LLGL2: variants seen among roughly 807,000 people sequenced by gnomAD.
LLGL2 encodes LLGL2, scribble cell polarity complex component.
A neutral mutation model predicts 123.2 loss-of-function variants in LLGL2; 81 were observed. The observed-to-expected ratio is 0.66, with a 90% CI of 0.55 to 0.79. LLGL2 has a LOEUF of 0.79. Among genes scored for constraint, LLGL2 ranks in the 30% least tolerant of loss-of-function variants. The probability of loss-of-function intolerance (pLI) is 0.00; values close to 1 mark genes in which losing one functional copy is unlikely to be tolerated. For missense variants in LLGL2, 1,273 were observed against 1,414.6 expected (o/e 0.90, Z 1.61); for synonymous variants, 577 against 594.1 (o/e 0.97, Z 0.42).
intron 6 of LLGL2, among the ~76,000 whole-genome samples, chr17:75,560,042 G>A (rs1273665780): frequency 1.3e-5 from 2 of 152,194 alleles, no homozygotes; most frequent in Non-Finnish European, 2.9e-5. Context: ...TGGTTCCAAG[G>A]GGCAGGAGGA....
At chr17:75,532,609 C>G (rs1304999774) in intron 1 of LLGL2, 1 of 151,910 alleles carries the variant, frequency 6.6e-6, no homozygotes, top group Admixed American at 6.6e-5. Flanking sequence ...TTTTTAGTAG[C>G]GGGGGGGTTT....
At position 75,568,972 on chromosome 17, in the gene LLGL2, C is replaced by T; in HGVS notation, c.1323-6C>T. ...CTCACGCCTGGCAGGTGGGTTCTGC[C>T]CACAGGCACGAGGACGGCACGGTGC... On this transcript the variant is annotated splice_polypyrimidine_tract_variant and splice_region_variant and intron_variant, in intron 12 of 25. Coordinates refer to ENST00000392550, the MANE Select transcript of LLGL2 (RefSeq NM_001031803.2). 6.2e-7 allele frequency: 1 copy of T among 1,609,648 alleles called. No homozygotes were observed.
At chr17:75,571,851 G>A (rs777388568) in intron 18 of LLGL2, 47 bp from the exon 19 acceptor site, 2 of 1,605,602 alleles carry the variant, frequency 1.2e-6, no homozygotes, top group Non-Finnish European at 1.7e-6. Flanking sequence ...AGTGGCTCCA[G>A]CCCTGCCACC....
chr17:75,569,801 CAAAA>C (rs567857752), intron 14 of LLGL2, among the ~76,000 whole-genome samples, 158 bp from the exon 15 acceptor site: 18 of 130,616 alleles, frequency 1.4e-4, no homozygotes, highest in African/African-American at 1.8e-4. Flanking sequence ...AGACTTGTCT[CAAAA>C]AAAAAAAAAA....
intron 6 of LLGL2, among the ~76,000 whole-genome samples, chr17:75,561,021 G>A (rs1014429740): frequency 1.3e-5 from 2 of 151,506 alleles, no homozygotes; most frequent in East Asian, 1.9e-4. Context: ...TAGTAGAGAC[G>A]GGGTTTCACC....
chr17:75,563,956 G>A (rs569776597), intron 9 of LLGL2, 150 bp downstream of exon 9: 1 of 783,650 alleles, frequency 1.3e-6, no homozygotes, highest in Non-Finnish European at 2.1e-6. Flanking sequence ...AGACAGGGTA[G>A]ACGCTATTCA....
intron 2 of LLGL2, among the ~76,000 whole-genome samples, chr17:75,548,074 T>G (rs1205977966): frequency 1.3e-5 from 2 of 152,200 alleles, no homozygotes; most frequent in Non-Finnish European, 2.9e-5. Context: ...GAATGCTCAC[T>G]GGAGCGTTTC....
Position 75,556,005 on chromosome 17 carries a change from G to C in LLGL2, c.76-41G>C, listed in dbSNP as rs764883995. 3 of 1,516,754 alleles carry C rather than the reference G, an allele frequency of 2.0e-6. No individual in the cohort carries two copies. The African/African-American group carries it at 4.1e-5, about 21-fold the overall frequency. The allele number at this position is 1,516,754 out of a possible 1,614,324, so 94.0% of individuals were successfully genotyped here. A position where few individuals can be genotyped will look rare whatever the true frequency, so the allele number is the denominator to read the frequency against. ...TGCAGCAGCCATGGTGGCGCGAAGG[G>C]GACAGGTCTGCAGGCCCACCCCACG... is the stretch of plus-strand genomic sequence containing the variant. On this transcript the variant is annotated intron_variant, in intron 2 of 25. Coordinates refer to ENST00000392550, the MANE Select transcript of LLGL2 (RefSeq NM_001031803.2).
Position 75,563,480 on chromosome 17 carries a change from C to T in LLGL2, c.826+17C>T. ...TGCCTTACGGTCAGTGTTTCACCCG[C>T]CGGGCAGGGCCCACCCCCAGTGCCT... On this transcript the variant is annotated intron_variant, in intron 8 of 25. Transcript: ENST00000392550. The T allele has an allele frequency of 6.2e-7, 1 of 1,610,878 alleles. No individual in the cohort carries two copies. The highest frequency in any genetic ancestry group is 8.5e-7 in the Non-Finnish European group (1 of 1,179,312).
Position 75,571,887 on chromosome 17 carries a change from C to T in LLGL2, c.2294-11C>T, listed in dbSNP as rs763077725. On this transcript the variant is annotated splice_polypyrimidine_tract_variant and intron_variant, in intron 18 of 25. Coordinates refer to ENST00000392550, the MANE Select transcript of LLGL2 (RefSeq NM_001031803.2). ...CCCTCACCAGCCCCAACACCCACCT[C>T]CTCCCCCTAGCCAAGGAGATCCAGC... The T allele has an allele frequency of 6.2e-7, 1 of 1,611,334 alleles. No homozygotes were observed. Among genetic ancestry groups the T allele is most frequent in the Non-Finnish European group, 8.5e-7 (1 of 1,179,878 alleles).
rs1299630963 is a variant in LLGL2, at chr17:75,558,423, T to G, written c.256-89T>G. The G allele has an allele frequency of 1.6e-6, 2 of 1,267,786 alleles. No individual in the cohort carries two copies. The highest frequency in any genetic ancestry group is 2.2e-5 in the Admixed American group (1 of 45,554). 78.5% of individuals were successfully genotyped at this position (1,267,786 alleles called of 1,614,324 possible). On this transcript the variant is annotated intron_variant, in intron 4 of 25. Coordinates refer to ENST00000392550, the MANE Select transcript of LLGL2 (RefSeq NM_001031803.2). This position sits in a 1 kb window ranked among gnomAD's most constrained non-coding sequence, Gnocchi z 4.0. ...CCACCCTGGGAGTGGCCAGGGGGTC[T>G]TTTAAACAACTGGGGCTGCGTGGCC...
intron 21 of LLGL2, 148 bp downstream of exon 21, chr17:75,573,779 G>A (rs963797864): frequency 1.7e-6 from 2 of 1,208,726 alleles, no homozygotes; most frequent in Non-Finnish European, 2.3e-6. Context: ...TTGCCTCTTT[G>A]CGTGCCCCTT....
At chr17:75,532,985 C>T (rs1318516607) in intron 1 of LLGL2, among the ~76,000 whole-genome samples, 1 of 151,892 alleles carries the variant, frequency 6.6e-6, no homozygotes, top group Non-Finnish European at 1.5e-5. Context: ...CTTAACTGTT[C>T]GTTCATTCAT....
rs1325007490 is a variant in LLGL2, at chr17:75,558,544, C to G, written c.288C>G (p.Ser96Arg). The change falls in exon 5 of 26, where the codon AGC (serine) becomes AGG (arginine). Residue 96 changes from serine (S) to arginine (R), a missense_variant. Transcript: ENST00000392550. The surrounding 1 kb of genome is among the most constrained non-coding windows in gnomAD (Gnocchi z 4.0). Reference sequence around the variant, plus strand: ...TGGTCACCCTGCTGGATGACAACAGCCTGCACCTTTGGAGCCTGAAGGTCA... The same window carrying G: ...TGGTCACCCTGCTGGATGACAACAGGCTGCACCTTTGGAGCCTGAAGGTCA... ...CQLVTLLDDNSLHLWSLKVKG... is the reference protein window; with the variant it reads ...CQLVTLLDDNRLHLWSLKVKG... 6.2e-7 allele frequency: 1 copy of G among 1,609,466 alleles called. No homozygotes were observed. The highest frequency in any genetic ancestry group is 1.1e-5 in the South Asian group (1 of 89,994).
intron 1 of LLGL2, among the ~76,000 whole-genome samples, chr17:75,530,224 T>G (rs146674354): frequency 1.3e-5 from 2 of 152,296 alleles, no homozygotes; most frequent in Non-Finnish European, 2.9e-5. Context: ...AGTCTCTGGC[T>G]GGGCATTTTG....
chr17:75,560,797 T>C (rs1450679010), intron 6 of LLGL2, among the ~76,000 whole-genome samples: 3 of 113,204 alleles, frequency 2.7e-5, no homozygotes, highest in African/African-American at 1.1e-4. Flanking sequence ...AGTTTGTTTA[T>C]TTATTAAAAA....
chr17:75,549,112 C>T lies in LLGL2; in HGVS notation c.75+5611C>T, dbSNP rs1405019753. On this transcript the variant is annotated intron_variant, in intron 2 of 25. Transcript: ENST00000392550. This position sits in a 1 kb window ranked among gnomAD's most constrained non-coding sequence, Gnocchi z 4.0. ...TGTGGCCTTAGAGTGGTGGCTTCAC[C>T]TCCCTTCACACCTCAGTTACTTCAC... 6.6e-6 allele frequency among the ~76,000 whole-genome samples: 1 copy of T among 152,096 alleles called. No homozygotes were observed. The highest frequency in any genetic ancestry group is 1.9e-4 in the East Asian group (1 of 5,190).
rs751995804 is a variant in LLGL2 at position 75,573,520 on chromosome 17, C to T, written c.2765C>T (p.Ser922Phe). 8 of 1,612,684 alleles carry T rather than the reference C, an allele frequency of 5.0e-6. 1 individual carries two copies. In the African/African-American group the frequency reaches 5.3e-5, roughly 11 times the overall value. ...TCACCCTCGGAGTTTGAGCGCTTCTCTCTCTCCACCAAGTGGCTGGTGGAG... is the reference window on the plus strand; with the variant it reads ...TCACCCTCGGAGTTTGAGCGCTTCTTTCTCTCCACCAAGTGGCTGGTGGAG... ...LISPSEFERFSLSTKWLVEPR... is the reference protein window; with the variant it reads ...LISPSEFERFFLSTKWLVEPR... The change falls in exon 21 of 26, where the codon TCT (serine) becomes TTT (phenylalanine). Residue 922 changes from serine to phenylalanine, a missense_variant. By Grantham distance (155) the Ser-to-Phe change is radical (BLOSUM62 -2). Coordinates refer to ENST00000392550, the MANE Select transcript of LLGL2 (RefSeq NM_001031803.2).
At position 75,559,433 on chromosome 17, in the gene LLGL2, G is replaced by A. The variant is rs752329596; in HGVS notation, c.530+23G>A. 4.4e-6 allele frequency: 7 copies of A among 1,579,924 alleles called. No individual in the cohort carries two copies. The highest frequency in any genetic ancestry group is 5.2e-6 in the Non-Finnish European group (6 of 1,163,684). ...GCGGTGAGCCCAGAGCCCAGCTGCTGTTAACTCCATCCCCTCAAGTTAGGC... is the reference window on the plus strand; with the variant it reads ...GCGGTGAGCCCAGAGCCCAGCTGCTATTAACTCCATCCCCTCAAGTTAGGC... On this transcript the variant is annotated intron_variant, in intron 6 of 25. Transcript: ENST00000392550. The surrounding 1 kb of genome is among the most constrained non-coding windows in gnomAD (Gnocchi z 4.6).
Sources: allele counts gnomAD v4.1 joint callset (sites outside exome capture counted in the v4.1 genomes callset), GRCh38; gene constraint gnomAD v4.1.1; non-coding constraint Gnocchi (gnomAD v3.1); transcripts MANE v1.5; gene names NCBI Gene and HGNC (gene_info 2026-07-23, HGNC 2026-07-21).